CDC23: variants seen among roughly 807,000 people sequenced by gnomAD.
CDC23 encodes cell division cycle 23, also known as cell division cycle protein 23 homolog.
In CDC23, 26 loss-of-function variants were observed where a neutral mutation model predicts 81.7. That is an observed-to-expected ratio of 0.32 (90% CI 0.23 to 0.44). The LOEUF (loss-of-function observed/expected upper bound fraction) is 0.44. Ranked by LOEUF, CDC23 falls within the 20% of genes least tolerant of loss-of-function variation. CDC23 has a pLI of 1.00. For synonymous variants in CDC23, 267 were observed against 270.8 expected (o/e 0.99, Z 0.14); for missense variants, 519 against 728.0 (o/e 0.71, Z 3.30).
intron 9 of CDC23, among the ~76,000 whole-genome samples, chr5:138,194,451 A>G (rs1041602393): frequency 2.0e-5 from 3 of 152,146 alleles, no homozygotes; most frequent in Non-Finnish European, 2.9e-5. Context: ...AAGCCAGACA[A>G]TAAGACTAAA....
chr5:138,208,029 T>C (rs912117947), intron 2 of CDC23, among the ~76,000 whole-genome samples: 3 of 152,010 alleles, frequency 2.0e-5, no homozygotes, highest in Admixed American at 6.6e-5. Flanking sequence ...TGGTGTGATA[T>C]TGGCTGACTG....
chr5:138,187,928 A>G lies in CDC23; in HGVS notation c.*1050T>C, dbSNP rs894425702. ...AACACAAAATTCTGGGAATAAGAAT[A>G]AAGTCTGGACCCTGAGCTCAGAATG... On this transcript the variant is annotated 3_prime_UTR_variant, in exon 16 of 16. Coordinates refer to ENST00000394886, the MANE Select transcript of CDC23 (RefSeq NM_004661.4). The G allele has an allele frequency of 2.5e-5, 4 of 160,226 alleles. No homozygotes were observed. The highest frequency in any genetic ancestry group is 9.6e-5 in the African/African-American group (4 of 41,488). 9.9% of individuals were successfully genotyped at this position (160,226 alleles called of 1,614,324 possible).
At chr5:138,195,404 A>G (rs779319821) in intron 9 of CDC23, among the ~76,000 whole-genome samples, 10 of 148,928 alleles carry the variant, frequency 6.7e-5, no homozygotes, top group Admixed American at 4.2e-4. Flanking sequence ...CCAAGATTAC[A>G]CAGCTAGTTA....
chr5:138,189,443 G>A (rs1204810252), intron 15 of CDC23, among the ~76,000 whole-genome samples, 190 bp downstream of exon 15: 1 of 152,066 alleles, frequency 6.6e-6, no homozygotes, highest in Non-Finnish European at 1.5e-5. Flanking sequence ...AATTTTTGTA[G>A]AGACAAGCTC....
chr5:138,208,015 G>C (rs993864876), intron 2 of CDC23, among the ~76,000 whole-genome samples: 1 of 151,156 alleles, frequency 6.6e-6, no homozygotes, highest in African/African-American at 2.4e-5. Context: ...AGGATGGAAT[G>C]CAGTGGTGTG....
chr5:138,198,312 G>GA, intron 8 of CDC23, 32 bp from the exon 9 acceptor site: 1 of 1,596,682 alleles, frequency 6.3e-7, no homozygotes, highest in Non-Finnish European at 8.6e-7. Flanking sequence ...ATATAAGCAT[G>GA]AAAAAAGAAC....
At chr5:138,195,535 T>G (rs1666227619) in intron 9 of CDC23, among the ~76,000 whole-genome samples, 1 of 117,632 alleles carries the variant, frequency 8.5e-6, no homozygotes, top group Non-Finnish European at 1.7e-5. Context: ...AAATTATATA[T>G]ATTTATATAT....
rs748569859 is a variant in CDC23 at position 138,201,239 on chromosome 5, C to A, written c.522G>T (p.Leu174=). The change falls in exon 6 of 16, where the codon CTG becomes CTT. Residue 174 remains leucine (L), a splice_region_variant and synonymous_variant. Transcript: ENST00000394886. Reference sequence around the variant, plus strand: ...CCAGTTTTCGAAGCACCACACCATACCTGGGAAAAAAAAGAAACAATCACA... The same window carrying A: ...CCAGTTTTCGAAGCACCACACCATAACTGGGAAAAAAAAGAAACAATCACA... ...ARELDGFGLY[L]YGVVLRKLDL... 5.0e-6 allele frequency: 8 copies of A among 1,613,500 alleles called. No individual in the cohort carries two copies. The South Asian group carries it at 8.8e-5, about 18-fold the overall frequency.
At chr5:138,206,305 T>C (rs1180951116) in intron 3 of CDC23, 10 of 540,312 alleles carry the variant, frequency 1.9e-5, no homozygotes, top group Non-Finnish European at 3.3e-5. Flanking sequence ...AAGAACCTTA[T>C]ATAACCTAAA....
At position 138,188,817 on chromosome 5, in the gene CDC23, G is replaced by T. The variant is rs1754787559; in HGVS notation, c.*161C>A. The T allele has an allele frequency of 1.8e-6, 1 of 544,550 alleles. No homozygotes were observed. Among genetic ancestry groups the T allele is most frequent in the Admixed American group, 3.7e-5 (1 of 27,098 alleles). 33.7% of individuals were successfully genotyped at this position (544,550 alleles called of 1,614,324 possible). A position where few individuals can be genotyped will look rare whatever the true frequency, so the allele number is the denominator to read the frequency against. On this transcript the variant is annotated 3_prime_UTR_variant, in exon 16 of 16. Coordinates refer to ENST00000394886, the MANE Select transcript of CDC23 (RefSeq NM_004661.4). ...GTCTGTTCCTGCCAGGATTCTGTCA[G>T]TTGGCCTCTGAAGGTAATTATACAA...
intron 13 of CDC23, 186 bp from the exon 14 acceptor site, chr5:138,190,092 T>C: frequency 5.0e-6 from 3 of 600,894 alleles, no homozygotes; most frequent in Non-Finnish European, 5.9e-6. Context: ...TTAGAATCAT[T>C]ACTCTGCTAA....
chr5:138,196,190 T>C (rs1754903062), intron 9 of CDC23, among the ~76,000 whole-genome samples: 1 of 151,774 alleles, frequency 6.6e-6, no homozygotes, highest in South Asian at 2.1e-4. Context: ...GCATTATGGA[T>C]ATATTAAGGA....
chr5:138,207,178 C>G (rs1199840879), intron 2 of CDC23, among the ~76,000 whole-genome samples: 1 of 151,882 alleles, frequency 6.6e-6, no homozygotes, highest in Non-Finnish European at 1.5e-5. Flanking sequence ...CCGCACCCGG[C>G]CAAGTTTTTC....
intron 2 of CDC23, among the ~76,000 whole-genome samples, chr5:138,208,587 ATT>A (rs1755078610): frequency 6.6e-6 from 1 of 152,244 alleles, no homozygotes; most frequent in Non-Finnish European, 1.5e-5. Context: ...AAGCATTCAG[ATT>A]ATACAAGACT....
Position 138,201,246 on chromosome 5 carries a change from A to C in CDC23, c.522-7T>G. On this transcript the variant is annotated splice_region_variant and splice_polypyrimidine_tract_variant and intron_variant, in intron 5 of 15. Transcript: ENST00000394886. ...TCGAAGCACCACACCATACCTGGGA[A>C]AAAAAAGAAACAATCACAGAAGTTA... The C allele has an allele frequency of 1.9e-6, 3 of 1,613,796 alleles. No individual in the cohort carries two copies. Among genetic ancestry groups the C allele is most frequent in the Non-Finnish European group, 2.5e-6 (3 of 1,179,964 alleles).
rs1581481409 is a variant in CDC23 at position 138,188,427 on chromosome 5, AT to A, written c.*550del. The A allele has an allele frequency of 6.6e-6, 1 of 152,128 alleles. No homozygotes were observed. Among genetic ancestry groups the A allele is most frequent in the African/African-American group, 2.4e-5 (1 of 41,414 alleles). 9.4% of individuals were successfully genotyped at this position (152,128 alleles called of 1,614,324 possible). A position where few individuals can be genotyped will look rare whatever the true frequency, so the allele number is the denominator to read the frequency against. On this transcript the variant is annotated 3_prime_UTR_variant, in exon 16 of 16. Transcript: ENST00000394886. Reference sequence around the variant, plus strand: ...GACCCCCCCAAAACTGTTTTGGAAGATTGTCTCCCTAGAGAGTAAGAACAAA... The same window carrying A: ...GACCCCCCCAAAACTGTTTTGGAAGATGTCTCCCTAGAGAGTAAGAACAAA...
chr5:138,202,306 T>C, intron 3 of CDC23, 151 bp from the exon 4 acceptor site: 1 of 609,342 alleles, frequency 1.6e-6, no homozygotes, highest in Non-Finnish European at 2.8e-6. Context: ...TTTGAGACAG[T>C]CTCACTTTGC....
chr5:138,210,153 T>A (rs1209221702), intron 2 of CDC23, among the ~76,000 whole-genome samples: 1 of 137,418 alleles, frequency 7.3e-6, no homozygotes, highest in Non-Finnish European at 1.6e-5. Flanking sequence ...GAGGTGGAGG[T>A]TGCGGTGAGC....
intron 9 of CDC23, among the ~76,000 whole-genome samples, chr5:138,196,414 C>A (rs561145876): frequency 6.6e-6 from 1 of 151,672 alleles, no homozygotes; most frequent in East Asian, 1.9e-4. Flanking sequence ...CCTCAGCCTC[C>A]CAAGTAGCTG....
Sources: gnomAD v4.1 joint callset for allele counts (sites outside exome capture counted in the v4.1 genomes callset) on GRCh38, gnomAD v4.1.1 for gene constraint, MANE v1.5 for transcripts, NCBI Gene and HGNC (gene_info 2026-07-23, HGNC 2026-07-21) for gene names.